The following SPEF2 variants were observed in gnomAD, a reference collection of about 807,000 sequenced individuals.
SPEF2 encodes the protein sperm flagellar and cilia associated 2.
A neutral mutation model predicts 224.6 loss-of-function variants in SPEF2; 187 were observed. The ratio of observed to expected loss-of-function variants is 0.83; its 90% confidence interval spans 0.74 to 0.94. The LOEUF is 0.94. Ranked by LOEUF, SPEF2 falls within the 40% of genes least tolerant of loss-of-function variation. SPEF2 has a pLI of 0.00. For missense variants in SPEF2, 2,170 were observed against 2,135.6 expected, an observed-to-expected ratio of 1.02 and a Z score of -0.32; for synonymous variants, 715 against 707.3, an observed-to-expected ratio of 1.01 and a Z score of -0.17.
At chr5:35,661,247 GTATATATTATATATATATATATATA>G (rs1235231970) in intron 8 of SPEF2, among the ~76,000 whole-genome samples, 6 of 73,362 alleles carry the variant, frequency 8.2e-5, no homozygotes, top group Non-Finnish European at 1.7e-4. Flanking sequence ...TTTTTTTTTG[GTATATATTATATATATATATATATA>G]TATATATATA....
chr5:35,664,616 G>A (rs1304652057), intron 8 of SPEF2, among the ~76,000 whole-genome samples: 1 of 151,872 alleles, frequency 6.6e-6, no homozygotes, highest in African/African-American at 2.4e-5. Flanking sequence ...GGAGGCTGAG[G>A]TTGTAGTGAG....
At chr5:35,687,695 C>T (rs1753844178) in intron 10 of SPEF2, among the ~76,000 whole-genome samples, 1 of 151,980 alleles carries the variant, frequency 6.6e-6, no homozygotes. Flanking sequence ...AACCTTTGAG[C>T]GATAACTAGG....
intron 23 of SPEF2, among the ~76,000 whole-genome samples, chr5:35,751,374 C>T (rs1749624581): frequency 6.6e-6 from 1 of 150,814 alleles, no homozygotes; most frequent in East Asian, 2.0e-4. Context: ...GTGTATACTG[C>T]TCATGTGATG....
chr5:35,807,650 C>A (rs1378407542), intron 36 of SPEF2: 13 of 1,535,806 alleles, frequency 8.5e-6, no homozygotes, highest in African/African-American at 1.4e-5. Flanking sequence ...TACACATCAT[C>A]TATGTAGTGG....
chr5:35,700,116 C>T (rs1580340729), intron 15 of SPEF2: 1 of 182,250 alleles, frequency 5.5e-6, no homozygotes, highest in South Asian at 1.3e-4. Flanking sequence ...CTCCTCCTTG[C>T]CTTCTGCCGT....
chr5:35,668,631 G>A (rs1159020076), intron 9 of SPEF2, among the ~76,000 whole-genome samples: 1 of 152,030 alleles, frequency 6.6e-6, no homozygotes, highest in Non-Finnish European at 1.5e-5. Context: ...CTGTGGTTTT[G>A]CAAGATATTA....
intron 8 of SPEF2, among the ~76,000 whole-genome samples, chr5:35,662,046 G>A (rs576969713): frequency 6.6e-6 from 1 of 152,118 alleles, no homozygotes; most frequent in Non-Finnish European, 1.5e-5. Context: ...TCCACCTACA[G>A]TGTAAAAGTG....
At chr5:35,634,452 A>G (rs1426000317) in intron 2 of SPEF2, among the ~76,000 whole-genome samples, 3 of 152,090 alleles carry the variant, frequency 2.0e-5, no homozygotes, top group Admixed American at 1.3e-4. Context: ...TCTTTCAACA[A>G]CTTGACTATA....
chr5:35,740,766 A>G lies in SPEF2; in HGVS notation c.3330+499A>G, dbSNP rs546577201. 1.4e-4 allele frequency among the ~76,000 whole-genome samples: 21 copies of G among 152,316 alleles called. 1 individual carries two copies. In the South Asian group the frequency reaches 4.1e-3, roughly 30 times the overall value. Reference sequence around the variant, plus strand: ...TCCTGGTAGTGCCCCAGCAAGCACAATAACAAGCAGATTTTCATAAAGTCA... The same window carrying G: ...TCCTGGTAGTGCCCCAGCAAGCACAGTAACAAGCAGATTTTCATAAAGTCA... On this transcript the variant is annotated intron_variant, in intron 23 of 36. Transcript: ENST00000356031.
At chr5:35,634,900 G>A (rs967628898) in intron 2 of SPEF2, among the ~76,000 whole-genome samples, 2 of 151,380 alleles carry the variant, frequency 1.3e-5, no homozygotes, top group Admixed American at 1.3e-4. Flanking sequence ...TTTACTTAAT[G>A]TCTTTCTTGT....
At chr5:35,750,242 A>G (rs549153072) in intron 23 of SPEF2, among the ~76,000 whole-genome samples, 1 of 152,324 alleles carries the variant, frequency 6.6e-6, no homozygotes, top group Non-Finnish European at 1.5e-5. Flanking sequence ...ACCTGAAACT[A>G]AAAATTCTAC....
chr5:35,676,134 G>A (rs1751965989), intron 10 of SPEF2: 1 of 410,976 alleles, frequency 2.4e-6, no homozygotes, highest in East Asian at 7.1e-5. Flanking sequence ...CAAAGCCAAA[G>A]AGAGGAGTCC....
At position 35,727,683 on chromosome 5, in the gene SPEF2, A is replaced by C. The variant is rs1744898489; in HGVS notation, c.2923A>C (p.Lys975Gln). The change falls in exon 21 of 37, where the codon AAA (lysine) becomes CAA (glutamine). Residue 975 changes from lysine to glutamine, a missense_variant. Coordinates refer to ENST00000356031, the MANE Select transcript of SPEF2 (RefSeq NM_024867.4). ...ETALKRKGSP[K>Q]GKSSGGKVPV... ...TGATATGCATGTTTAAGGTTCTCCT[A>C]AAGGAAAATCATCAGGAGGAAAAGT... The C allele has an allele frequency of 6.2e-7, 1 of 1,613,210 alleles. No homozygotes were observed. Among genetic ancestry groups the C allele is most frequent in the Non-Finnish European group, 8.5e-7 (1 of 1,179,478 alleles).
chr5:35,700,840 A>G, intron 16 of SPEF2, 88 bp downstream of exon 16: 1 of 1,330,466 alleles, frequency 7.5e-7, no homozygotes, highest in Non-Finnish European at 1.0e-6. Flanking sequence ...ACAATTATAA[A>G]TGAGTACAAA....
intron 26 of SPEF2, among the ~76,000 whole-genome samples, chr5:35,770,392 TATACA>T (rs547025324): frequency 2.6e-5 from 4 of 152,104 alleles, no homozygotes; most frequent in Non-Finnish European, 4.4e-5. Flanking sequence ...AATTTTGAAA[TATACA>T]ATACATTATT....
Position 35,811,995 on chromosome 5 carries a change from A to G in SPEF2, c.5380-2469A>G, listed in dbSNP as rs924226396. On this transcript the variant is annotated intron_variant, in intron 36 of 36. Transcript: ENST00000356031. ...ATTAGAGATGGGTTTTCAATGTGTT[A>G]GCCAGGATGGTCTCGATCCCCTGAT... 4.6e-5 allele frequency among the ~76,000 whole-genome samples: 7 copies of G among 151,938 alleles called. No homozygotes were observed. In the South Asian group the frequency reaches 8.3e-4, roughly 18 times the overall value.
At chr5:35,715,125 C>T (rs1742282196) in intron 20 of SPEF2, among the ~76,000 whole-genome samples, 1 of 151,974 alleles carries the variant, frequency 6.6e-6, no homozygotes, top group South Asian at 2.1e-4. Flanking sequence ...GCATGTTGCC[C>T]AAGCTGGTCT....
intron 36 of SPEF2, among the ~76,000 whole-genome samples, chr5:35,812,324 G>A (rs774177555): frequency 6.6e-6 from 1 of 152,252 alleles, no homozygotes; most frequent in Non-Finnish European, 1.5e-5. Flanking sequence ...GAAGTCCCAG[G>A]AAGCCTCTGG....
intron 2 of SPEF2, among the ~76,000 whole-genome samples, chr5:35,629,854 T>C (rs1196894140): frequency 6.6e-6 from 1 of 152,260 alleles, no homozygotes; most frequent in African/African-American, 2.4e-5. Context: ...GGTTCACCCA[T>C]GTTAGCAAGT....
Sources: allele counts gnomAD v4.1 joint callset (sites outside exome capture counted in the v4.1 genomes callset), GRCh38; gene constraint gnomAD v4.1.1; transcripts MANE v1.5; gene names NCBI Gene and HGNC (gene_info 2026-07-23, HGNC 2026-07-21).